Variants in NELL2 observed in about 807,000 individuals in gnomAD.
NELL2 encodes neural EGFL like 2.
A neutral mutation model predicts 109.6 loss-of-function variants in NELL2; 41 were observed. The ratio of observed to expected loss-of-function variants is 0.37; its 90% CI spans 0.29 to 0.49. NELL2 has a LOEUF of 0.49. Among genes scored for constraint, NELL2 ranks in the 20% least tolerant of loss-of-function variants. The probability of loss-of-function intolerance (pLI) is 0.98; values close to 1 mark genes in which losing one functional copy is unlikely to be tolerated. For synonymous variants in NELL2, 355 were observed against 344.7 expected, an observed-to-expected ratio of 1.03 and a Z score of -0.33; for missense variants, 900 against 1,008.3, an observed-to-expected ratio of 0.89 and a Z score of 1.45.
intron 15 of NELL2, among the ~76,000 whole-genome samples, chr12:44,593,949 T>C (rs28722802): frequency 0.016 from 2,482 of 152,198 alleles, 51 homozygotes; most frequent in African/African-American, 0.057. Flanking sequence ...ATACTGTGAA[T>C]CCATTAAAAA....
intron 15 of NELL2, among the ~76,000 whole-genome samples, chr12:44,537,327 A>G (rs575740947): frequency 4.6e-5 from 7 of 152,288 alleles, no homozygotes; most frequent in African/African-American, 1.4e-4. Flanking sequence ...TAAAATAACT[A>G]AGAACAATAA....
intron 17 of NELL2, 67 bp from the exon 18 acceptor site, chr12:44,522,243 A>G (rs56318423): frequency 0.057 from 73,296 of 1,283,580 alleles, 3,617 homozygotes; most frequent in African/African-American, 0.26. Context: ...ACACACACAC[A>G]CGCACACACA....
intron 19 of NELL2, among the ~76,000 whole-genome samples, chr12:44,509,289 T>G (rs1320103439): frequency 1.3e-5 from 2 of 152,198 alleles, no homozygotes; most frequent in Non-Finnish European, 2.9e-5. Flanking sequence ...TATTAATAAA[T>G]AAAGCAGACA....
At chr12:44,780,078 A>C in intron 3 of NELL2, 56 bp from the exon 4 acceptor site, 1 of 1,569,426 alleles carries the variant, frequency 6.4e-7, no homozygotes, top group South Asian at 1.2e-5. Flanking sequence ...AAAACGATTG[A>C]AGTGATCTCT....
At chr12:44,876,674 G>A (rs1289499122), upstream of NELL2, 2 of 1,551,214 alleles carry the variant, frequency 1.3e-6, no homozygotes, top group Non-Finnish European at 1.7e-6. Context: ...CAGGAGGCAA[G>A]GCTGGAGCGA....
intron 2 of NELL2, among the ~76,000 whole-genome samples, chr12:44,836,084 C>T (rs955059748): frequency 3.5e-4 from 53 of 152,286 alleles, no homozygotes; most frequent in African/African-American, 1.3e-3. Flanking sequence ...GTTCTGTGAT[C>T]AGCCTTTTCA....
intron 3 of NELL2, among the ~76,000 whole-genome samples, chr12:44,782,590 A>C (rs1388856677): frequency 1.3e-5 from 2 of 151,898 alleles, no homozygotes; most frequent in Non-Finnish European, 2.9e-5. Flanking sequence ...GGAAAGCAGA[A>C]ATGGCTATAT....
chr12:44,589,177 T>C (rs773199028), intron 15 of NELL2, among the ~76,000 whole-genome samples: 7 of 152,114 alleles, frequency 4.6e-5, no homozygotes, highest in Non-Finnish European at 8.8e-5. Context: ...CTTTTGACTA[T>C]GATGTTGGCC....
intron 9 of NELL2, among the ~76,000 whole-genome samples, chr12:44,728,062 T>C (rs1481596331): frequency 1.3e-5 from 2 of 151,870 alleles, no homozygotes; most frequent in Admixed American, 6.6e-5. Flanking sequence ...CTTTAATGGC[T>C]ATTATATGCC....
At chr12:44,576,635 GTGCGC>G (rs1944096951) in intron 15 of NELL2, among the ~76,000 whole-genome samples, 2 of 151,734 alleles carry the variant, frequency 1.3e-5, no homozygotes, top group South Asian at 4.1e-4. Context: ...TGCCATGCTG[GTGCGC>G]TGCACCCACT....
At chr12:44,799,948 CTTAGATA>C (rs1942774352) in intron 3 of NELL2, among the ~76,000 whole-genome samples, 1 of 152,020 alleles carries the variant, frequency 6.6e-6, no homozygotes, top group Non-Finnish European at 1.5e-5. Flanking sequence ...AACCATCTGT[CTTAGATA>C]TTAGTGGTCA....
chr12:44,876,017 G>A lies in NELL2; in HGVS notation c.-148C>T, dbSNP rs751853904. ...TCAGTAGGATTAATACGCTTTGGTT[G>A]CCTAAGAAAGAAAAGGGAGGCCTCC... is the stretch of plus-strand genomic sequence containing the variant. On this transcript the variant is annotated 5_prime_UTR_variant, in exon 1 of 20. Coordinates refer to ENST00000429094, the MANE Select transcript of NELL2 (RefSeq NM_001145108.2). 7.1e-5 allele frequency: 107 copies of A among 1,508,606 alleles called. No homozygotes were observed. The highest frequency in any genetic ancestry group is 1.9e-4 in the Admixed American group (9 of 47,082). 93.5% of individuals were successfully genotyped at this position (1,508,606 alleles called of 1,614,324 possible). A position where few individuals can be genotyped will look rare whatever the true frequency, so the allele number is the denominator to read the frequency against.
chr12:44,691,421 G>C (rs1029148916), intron 12 of NELL2, among the ~76,000 whole-genome samples: 1 of 152,130 alleles, frequency 6.6e-6, no homozygotes, highest in African/African-American at 2.4e-5. Context: ...TGTTCTGATG[G>C]CTCTACTGAC....
At chr12:44,538,466 A>G (rs41404647) in intron 15 of NELL2, among the ~76,000 whole-genome samples, 6,848 of 152,286 alleles carry the variant, frequency 0.045, 531 homozygotes, top group African/African-American at 0.16. Context: ...ATTTGATTAC[A>G]CAGAGGAAAA....
At chr12:44,876,935 T>G, upstream of NELL2, 14 of 1,186,040 alleles carry the variant, frequency 1.2e-5, no homozygotes, top group Non-Finnish European at 1.4e-5. Context: ...GCTGGAGAGC[T>G]TCCCCGGCGC....
At chr12:44,578,163 C>A (rs893006588) in intron 15 of NELL2, among the ~76,000 whole-genome samples, 10 of 149,784 alleles carry the variant, frequency 6.7e-5, no homozygotes, top group African/African-American at 2.2e-4. Context: ...TGTTCTTAAT[C>A]CCTCTACTTC....
intron 1 of NELL2, among the ~76,000 whole-genome samples, chr12:44,910,207 T>C (rs1221876860): frequency 6.6e-6 from 1 of 151,798 alleles, no homozygotes; most frequent in African/African-American, 2.4e-5. Context: ...CGGGAGAAAA[T>C]ATTCACAAAT....
Position 44,682,037 on chromosome 12 carries a change from G to C in NELL2, c.1319-16428C>G, listed in dbSNP as rs1004595086. On this transcript the variant is annotated intron_variant, in intron 12 of 19. Coordinates refer to ENST00000429094, the MANE Select transcript of NELL2 (RefSeq NM_001145108.2). ...GAACTAGTTTACAGTCCCACCAACA[G>C]TGTAAAAGTGTTCCTATTTCTCCAC... Among the ~76,000 whole-genome samples the C allele has an allele frequency of 2.6e-5, 4 of 151,578 alleles. No homozygotes were observed. In the East Asian group the frequency reaches 7.7e-4, roughly 29 times the overall value.
chr12:44,852,423 C>G (rs1944559863), intron 2 of NELL2, among the ~76,000 whole-genome samples: 1 of 152,166 alleles, frequency 6.6e-6, no homozygotes, highest in South Asian at 2.1e-4. Flanking sequence ...ATTTGCACCT[C>G]TATTCTGTGT....
Sources: allele counts gnomAD v4.1 joint callset (sites outside exome capture counted in the v4.1 genomes callset), GRCh38; gene constraint gnomAD v4.1.1; transcripts MANE v1.5; gene names NCBI Gene and HGNC (gene_info 2026-07-23, HGNC 2026-07-21).